Variants in CBFA2T2 observed in about 807,000 individuals in gnomAD.
CBFA2T2 encodes the protein protein CBFA2T2.
CBFA2T2 carries 11 observed loss-of-function variants against 62.2 expected under a neutral mutation model. That is an observed-to-expected ratio of 0.18 (90% CI 0.11 to 0.29). The LOEUF is 0.29. CBFA2T2 is among the 10% of genes least tolerant of loss of function. The pLI, the probability that CBFA2T2 is intolerant of heterozygous loss-of-function variation, is 1.00. For synonymous variants in CBFA2T2, 295 were observed against 287.5 expected (o/e 1.03, Z -0.27); for missense variants, 592 against 774.1 (o/e 0.76, Z 2.79).
intron 1 of CBFA2T2, among the ~76,000 whole-genome samples, chr20:33,591,866 G>A (rs2014660288): frequency 6.9e-6 from 1 of 145,800 alleles, no homozygotes; most frequent in South Asian, 2.4e-4. Context: ...GGTGGGAGGG[G>A]GGGGCCTCCT....
chr20:33,571,673 A>G (rs543001277), intron 1 of CBFA2T2, among the ~76,000 whole-genome samples: 11 of 152,222 alleles, frequency 7.2e-5, no homozygotes, highest in Admixed American at 6.5e-4. Flanking sequence ...ATTTATCACA[A>G]TTTTCCTTCT....
At chr20:33,635,491 A>G (rs1260040819) in intron 8 of CBFA2T2, among the ~76,000 whole-genome samples, 1 of 152,264 alleles carries the variant, frequency 6.6e-6, no homozygotes, top group East Asian at 1.9e-4. Context: ...AACAGCCCAG[A>G]ACCTTGCTAG....
At position 33,623,137 on chromosome 20, in the gene CBFA2T2, G is replaced by A. The variant is rs1159215415; in HGVS notation, c.533G>A (p.Arg178Gln). ...FLKANLPLLQRELLHCARAAK... is the reference protein window; with the variant it reads ...FLKANLPLLQQELLHCARAAK... ...AAGGCCAACCTGCCCCTGCTGCAGC[G>A]GGAACTGCTGCACTGCGCTCGGGCG... Residue 178 changes from arginine (R) to glutamine (Q), a missense_variant, in exon 5 of 11, where the codon CGG becomes CAG. By Grantham distance (43) the Arg-to-Gln change is conservative. Around this residue, in one of 3 missense-constraint regions of CBFA2T2, gnomAD observed 449 missense variants for 551.2 expected, o/e 0.81. Coordinates refer to ENST00000342704, the MANE Select transcript of CBFA2T2 (RefSeq NM_001032999.3). 1.4e-5 allele frequency: 23 copies of A among 1,614,094 alleles called. No individual in the cohort carries two copies. The highest frequency in any genetic ancestry group is 5.3e-5 in the African/African-American group (4 of 74,932).
chr20:33,627,493 A>T (rs2016284473), intron 6 of CBFA2T2, among the ~76,000 whole-genome samples: 1 of 152,106 alleles, frequency 6.6e-6, no homozygotes. Flanking sequence ...CTTTTTTGCC[A>T]GTTTGACTTG....
intron 1 of CBFA2T2, among the ~76,000 whole-genome samples, chr20:33,530,567 G>A (rs972279492): frequency 5.3e-5 from 8 of 151,864 alleles, no homozygotes; most frequent in African/African-American, 1.2e-4. Flanking sequence ...ACAGCCATGC[G>A]CAGCCACACC....
At chr20:33,574,345 G>C in intron 1 of CBFA2T2, 1 of 1,336,746 alleles carries the variant, frequency 7.5e-7, no homozygotes, top group Admixed American at 1.9e-5. Flanking sequence ...TGCTTTAAAG[G>C]CCAGGCATGG....
At chr20:33,596,919 G>GTTTTTTTTTT (rs59278499) in intron 1 of CBFA2T2, among the ~76,000 whole-genome samples, 29 of 125,358 alleles carry the variant, frequency 2.3e-4, no homozygotes, top group Admixed American at 4.2e-4. Flanking sequence ...CTTGACCTCT[G>GTTTTTTTTTT]TTTTTTTTTT....
At chr20:33,571,811 G>T (rs1202914819) in intron 1 of CBFA2T2, among the ~76,000 whole-genome samples, 1 of 152,138 alleles carries the variant, frequency 6.6e-6, no homozygotes, top group Non-Finnish European at 1.5e-5. Context: ...GTTAAATGTG[G>T]TTAGAGTGTA....
chr20:33,617,510 T>C (rs1330311626), intron 3 of CBFA2T2, among the ~76,000 whole-genome samples: 1 of 152,244 alleles, frequency 6.6e-6, no homozygotes. Context: ...CCTAACTCAC[T>C]ATTTCCCTGT....
chr20:33,579,116 T>G (rs1446274513), intron 1 of CBFA2T2, among the ~76,000 whole-genome samples: 1 of 107,566 alleles, frequency 9.3e-6, no homozygotes, highest in African/African-American at 4.1e-5. Context: ...TTTTTTTTTG[T>G]TTTTTTTTTT....
chr20:33,539,495 G>T (rs2012352100), intron 1 of CBFA2T2, among the ~76,000 whole-genome samples: 1 of 152,034 alleles, frequency 6.6e-6, no homozygotes, highest in Admixed American at 6.6e-5. Flanking sequence ...TTACATCCCT[G>T]TTGAGTTGAT....
chr20:33,539,088 T>C (rs927178394), intron 1 of CBFA2T2, among the ~76,000 whole-genome samples: 1 of 152,170 alleles, frequency 6.6e-6, no homozygotes, highest in Non-Finnish European at 1.5e-5. Flanking sequence ...AAAATTATAG[T>C]TGGGGAGAGA....
intron 1 of CBFA2T2, among the ~76,000 whole-genome samples, chr20:33,500,679 A>G (rs2011264352): frequency 6.6e-6 from 1 of 152,204 alleles, no homozygotes; most frequent in Admixed American, 6.5e-5. Flanking sequence ...ACTACACTCC[A>G]GCCTGGGCGA....
intron 8 of CBFA2T2, among the ~76,000 whole-genome samples, chr20:33,631,720 T>C (rs1280460832): frequency 6.6e-6 from 1 of 152,242 alleles, no homozygotes; most frequent in Non-Finnish European, 1.5e-5. Context: ...TAATAGTTAT[T>C]ACTAGCATTT....
chr20:33,640,695 T>C (rs774307066), intron 10 of CBFA2T2, among the ~76,000 whole-genome samples, 164 bp downstream of exon 10: 1 of 152,216 alleles, frequency 6.6e-6, no homozygotes, highest in Non-Finnish European at 1.5e-5. Flanking sequence ...ATGCTAAGAC[T>C]CTTTTACATG....
At chr20:33,528,615 C>A (rs773441446) in intron 1 of CBFA2T2, among the ~76,000 whole-genome samples, 1 of 152,162 alleles carries the variant, frequency 6.6e-6, no homozygotes, top group African/African-American at 2.4e-5. Context: ...GACTTACATG[C>A]CCTTTTAAGC....
chr20:33,516,668 T>G (rs1463604910), intron 1 of CBFA2T2, among the ~76,000 whole-genome samples: 1 of 152,210 alleles, frequency 6.6e-6, no homozygotes, highest in African/African-American at 2.4e-5. Flanking sequence ...CTAGCAAATA[T>G]AGTAAAAAGT....
At chr20:33,591,467 C>CAAAAAAA (rs11475752) in intron 1 of CBFA2T2, among the ~76,000 whole-genome samples, 48 of 98,024 alleles carry the variant, frequency 4.9e-4, no homozygotes, top group Middle Eastern at 5.7e-3. Flanking sequence ...GAGTAAATCT[C>CAAAAAAA]AAAAAAAAAA....
intron 1 of CBFA2T2, among the ~76,000 whole-genome samples, chr20:33,522,859 A>T (rs902205357): frequency 5.9e-5 from 9 of 152,222 alleles, no homozygotes; most frequent in African/African-American, 2.2e-4. Context: ...TATCATACTT[A>T]AGGTTTAACT....
Sources: gnomAD v4.1 joint callset for allele counts (sites outside exome capture counted in the v4.1 genomes callset) on GRCh38, gnomAD v4.1.1 for gene constraint, gnomAD v4.1.1 regional missense constraint, MANE v1.5 for transcripts, NCBI Gene and HGNC (gene_info 2026-07-23, HGNC 2026-07-21) for gene names.